PLEKHH2: variants seen among roughly 807,000 people sequenced by gnomAD.
The protein encoded by PLEKHH2 is pleckstrin homology domain-containing family H member 2.
A neutral mutation model predicts 187.9 loss-of-function variants in PLEKHH2; 129 were observed. The ratio of observed to expected loss-of-function variants is 0.69; its 90% confidence interval spans 0.59 to 0.79. PLEKHH2 has a LOEUF of 0.79. Ranked by LOEUF, PLEKHH2 falls within the 30% of genes least tolerant of loss-of-function variation. PLEKHH2 has a pLI of 0.00. For synonymous variants in PLEKHH2, 686 were observed against 605.6 expected, an observed-to-expected ratio of 1.13 and a Z score of -1.95; for missense variants, 2,076 against 1,751.2, an observed-to-expected ratio of 1.19 and a Z score of -3.31.
At chr2:43,711,445 C>T in intron 14 of PLEKHH2, 1 of 973,682 alleles carries the variant, frequency 1.0e-6, no homozygotes. Context: ...TATCTAATCA[C>T]ATGTTCGTTC....
At chr2:43,677,895 C>T (rs1331454900) in intron 2 of PLEKHH2, among the ~76,000 whole-genome samples, 1 of 147,716 alleles carries the variant, frequency 6.8e-6, no homozygotes, top group African/African-American at 2.5e-5. Flanking sequence ...TCCCCACCTC[C>T]CTCCAGGACG....
chr2:43,658,064 T>C (rs76926359), intron 2 of PLEKHH2, among the ~76,000 whole-genome samples: 3,861 of 152,352 alleles, frequency 0.025, 52 homozygotes, highest in South Asian at 0.062. Flanking sequence ...GAATATTTCT[T>C]CATCTTCCTT....
chr2:43,702,057 C>T (rs1669399814), intron 8 of PLEKHH2, among the ~76,000 whole-genome samples: 1 of 152,196 alleles, frequency 6.6e-6, no homozygotes, highest in Non-Finnish European at 1.5e-5. Context: ...GCGTGTCACG[C>T]CACTGCACCT....
At chr2:43,737,505 G>C (rs1156647274) in intron 19 of PLEKHH2, among the ~76,000 whole-genome samples, 2 of 152,182 alleles carry the variant, frequency 1.3e-5, no homozygotes, top group Non-Finnish European at 2.9e-5. Flanking sequence ...AAGCAGTTTA[G>C]CTGGGTGGTT....
chr2:43,765,747 TC>T lies in PLEKHH2; in HGVS notation c.*150del. ...AGGGGGTTAGTCTCTTTTATTTGAT[TC>T]TTAAATATTCAAATAAATATTAACA... is the stretch of plus-strand genomic sequence containing the variant. On this transcript the variant is annotated 3_prime_UTR_variant, in exon 30 of 30. Transcript: ENST00000282406. 1.5e-6 allele frequency: 1 copy of T among 676,896 alleles called. No individual in the cohort carries two copies. The highest frequency in any genetic ancestry group is 2.3e-6 in the Non-Finnish European group (1 of 441,666). The allele number at this position is 676,896 out of a possible 1,614,324, so 41.9% of individuals were successfully genotyped here.
At chr2:43,686,148 C>A (rs1186297605) in intron 3 of PLEKHH2, among the ~76,000 whole-genome samples, 2 of 147,606 alleles carry the variant, frequency 1.4e-5, no homozygotes, top group Non-Finnish European at 3.0e-5. Flanking sequence ...TCTTTTTCTT[C>A]TTCCTTCTTC....
At chr2:43,685,627 A>G (rs1177529125) in intron 3 of PLEKHH2, among the ~76,000 whole-genome samples, 1 of 138,600 alleles carries the variant, frequency 7.2e-6, no homozygotes, top group African/African-American at 2.7e-5. Context: ...TTTTTTGTAG[A>G]GACGATGTCT....
chr2:43,740,235 G>A (rs1572646628), intron 20 of PLEKHH2, among the ~76,000 whole-genome samples: 1 of 152,148 alleles, frequency 6.6e-6, no homozygotes, highest in South Asian at 2.1e-4. Context: ...TAATGAGTTT[G>A]TCTAATGCTT....
intron 8 of PLEKHH2, among the ~76,000 whole-genome samples, chr2:43,702,394 A>G (rs1669416495): frequency 6.6e-6 from 1 of 152,188 alleles, no homozygotes; most frequent in East Asian, 1.9e-4. Context: ...ATGGCATGTG[A>G]ATCTCTGGAA....
Position 43,707,540 on chromosome 2 carries a change from A to T in PLEKHH2, c.1961A>T (p.Lys654Ile). Reference sequence around the variant, plus strand: ...GGGCCAGGCAGCCCCAGAGCCATGAAACGAGGTGAGGGAAAATCGCAGGCA... The same window carrying T: ...GGGCCAGGCAGCCCCAGAGCCATGATACGAGGTGAGGGAAAATCGCAGGCA... ...RSGPGSPRAM[K>I]RGVSLSSVAS... The change falls in exon 11 of 30, where the codon AAA (lysine) becomes ATA (isoleucine). Residue 654 changes from lysine (K) to isoleucine (I), a missense_variant. Physicochemically the swap from Lys to Ile is moderately radical, Grantham distance 102 (BLOSUM62 -3). Coordinates refer to ENST00000282406, the MANE Select transcript of PLEKHH2 (RefSeq NM_172069.4). 6.2e-7 allele frequency: 1 copy of T among 1,613,912 alleles called. No individual in the cohort carries two copies. The highest frequency in any genetic ancestry group is 8.5e-7 in the Non-Finnish European group (1 of 1,179,870).
At chr2:43,743,807 G>A (rs1322376834) in intron 22 of PLEKHH2, 27 bp from the exon 23 acceptor site, 1 of 1,586,164 alleles carries the variant, frequency 6.3e-7, no homozygotes, top group Admixed American at 1.7e-5. Context: ...TTCTTATTAA[G>A]AGAACTGCTT....
chr2:43,647,980 A>G (rs1666263978), intron 2 of PLEKHH2, among the ~76,000 whole-genome samples: 1 of 152,172 alleles, frequency 6.6e-6, no homozygotes, highest in African/African-American at 2.4e-5. Context: ...CAGTAACCCT[A>G]TGAGGTGATT....
At position 43,764,363 on chromosome 2, in the gene PLEKHH2, A is replaced by C; in HGVS notation, c.4294A>C (p.Lys1432Gln). Reference sequence around the variant, plus strand: ...ATTACTTTTTGCCATGGCAAAACCCAAGGTGAGTAGAAGCCTTTCTGCCAA... The same window carrying C: ...ATTACTTTTTGCCATGGCAAAACCCCAGGTGAGTAGAAGCCTTTCTGCCAA... ...EKLLFAMAKP[K>Q]ILEITLLIAS... The change falls in exon 29 of 30, where the codon AAG (lysine) becomes CAG (glutamine). Residue 1432 changes from lysine to glutamine, a missense_variant and splice_region_variant. Coordinates refer to ENST00000282406, the MANE Select transcript of PLEKHH2 (RefSeq NM_172069.4). The C allele has an allele frequency of 6.2e-7, 1 of 1,612,784 alleles. No individual in the cohort carries two copies. The highest frequency in any genetic ancestry group is 8.5e-7 in the Non-Finnish European group (1 of 1,179,358).
chr2:43,701,206 G>T (rs1006480049), intron 8 of PLEKHH2, among the ~76,000 whole-genome samples: 1 of 152,194 alleles, frequency 6.6e-6, no homozygotes, highest in Non-Finnish European at 1.5e-5. Flanking sequence ...GACCACCACA[G>T]GATTCTGCTA....
At chr2:43,746,963 C>T (rs1449259543) in intron 24 of PLEKHH2, among the ~76,000 whole-genome samples, 1 of 151,120 alleles carries the variant, frequency 6.6e-6, no homozygotes, top group Non-Finnish European at 1.5e-5. Flanking sequence ...AAGCGAGACT[C>T]TGTCTCAAAA....
At chr2:43,670,997 T>C (rs1303631408) in intron 2 of PLEKHH2, among the ~76,000 whole-genome samples, 7 of 152,042 alleles carry the variant, frequency 4.6e-5, no homozygotes, top group Non-Finnish European at 8.8e-5. Flanking sequence ...AACTTTTTTT[T>C]TTTTGAGATG....
chr2:43,715,029 G>A (rs1280905546), intron 15 of PLEKHH2, among the ~76,000 whole-genome samples: 1 of 152,146 alleles, frequency 6.6e-6, no homozygotes, highest in African/African-American at 2.4e-5. Flanking sequence ...TGTAATCCCA[G>A]CACTTAGGGA....
At chr2:43,654,062 C>A (rs1453178025) in intron 2 of PLEKHH2, among the ~76,000 whole-genome samples, 1 of 151,986 alleles carries the variant, frequency 6.6e-6, no homozygotes, top group Non-Finnish European at 1.5e-5. Context: ...AATAAGAAAT[C>A]ACTAAACTAA....
At chr2:43,762,128 G>A (rs79720706) in intron 27 of PLEKHH2, among the ~76,000 whole-genome samples, 176 bp from the exon 28 acceptor site, 2,001 of 152,172 alleles carry the variant, frequency 0.013, 23 homozygotes, top group Non-Finnish European at 0.02. Context: ...TCCTAATATC[G>A]AATTCACTCT....
Sources: allele counts gnomAD v4.1 joint callset (sites outside exome capture counted in the v4.1 genomes callset), GRCh38; gene constraint gnomAD v4.1.1; transcripts MANE v1.5; gene names NCBI Gene and HGNC (gene_info 2026-07-23, HGNC 2026-07-21).